Variants in NSUN4 observed in about 807,000 individuals in gnomAD.
The protein encoded by NSUN4 is NOP2/Sun RNA methyltransferase 4.
In NSUN4, 31 loss-of-function variants were observed where a neutral mutation model predicts 43.8. That is an observed-to-expected ratio of 0.71 (90% confidence interval 0.53 to 0.96). The LOEUF (loss-of-function observed/expected upper bound fraction) is 0.96, where lower values mean the gene tolerates loss of function less well. Among genes scored for constraint, NSUN4 ranks in the 40% least tolerant of loss-of-function variants. The pLI, the probability that NSUN4 is intolerant of heterozygous loss-of-function variation, is 0.00. For synonymous variants in NSUN4, 167 were observed against 184.1 expected (o/e 0.91, Z 0.75); for missense variants, 439 against 475.6 (o/e 0.92, Z 0.72).
At chr1:46,359,039 C>T (rs887757710) in intron 4 of NSUN4, among the ~76,000 whole-genome samples, 1 of 152,044 alleles carries the variant, frequency 6.6e-6, no homozygotes, top group Admixed American at 6.5e-5. Flanking sequence ...GGGTAAATCA[C>T]CTGAGGTCAA....
chr1:46,348,814 T>TTTTG (rs1662737868), intron 3 of NSUN4, among the ~76,000 whole-genome samples: 1 of 122,846 alleles, frequency 8.1e-6, no homozygotes, highest in Admixed American at 7.9e-5. Context: ...CACTGTTTTT[T>TTTTG]TTTTTTTTTT....
chr1:46,378,761 G>A, the NSUN4 span, among the ~76,000 whole-genome samples: 1 of 152,244 alleles, frequency 6.6e-6, no homozygotes, highest in Non-Finnish European at 1.5e-5. Context: ...ACTCACTCAT[G>A]TATCTGCAGT....
the NSUN4 span, among the ~76,000 whole-genome samples, chr1:46,376,136 G>A: frequency 1.3e-3 from 201 of 149,564 alleles, 3 homozygotes; most frequent in African/African-American, 4.6e-3. Context: ...GGCCAGGTGC[G>A]GTGGCTCATG....
At chr1:46,370,180 C>A in the NSUN4 span, among the ~76,000 whole-genome samples, 1 of 152,168 alleles carries the variant, frequency 6.6e-6, no homozygotes, top group Non-Finnish European at 1.5e-5. Context: ...AGGAGAAAGA[C>A]AGACTTAGGG....
At chr1:46,369,732 G>A (rs554215707), downstream of NSUN4, among the ~76,000 whole-genome samples, 8 of 152,254 alleles carry the variant, frequency 5.3e-5, no homozygotes, top group East Asian at 5.8e-4. Flanking sequence ...ATCCTGCAGT[G>A]TAAGGAGAAA....
At chr1:46,367,922 G>A (rs1250656169), downstream of NSUN4, among the ~76,000 whole-genome samples, 4 of 151,676 alleles carry the variant, frequency 2.6e-5, no homozygotes, top group African/African-American at 7.3e-5. Flanking sequence ...ATGCCACCGC[G>A]CCTGGCTAAT....
rs202107816 is a variant in NSUN4 at position 46,361,725 on chromosome 1, G to A, written c.1034G>A (p.Arg345Gln). ...QVQVEDLTHF[R>Q]RVFMDTFCFF... ...CAGGTGGAAGATCTGACTCACTTCC[G>A]AAGGGTTTTCATGGACACATTTTGT... is the stretch of plus-strand genomic sequence containing the variant. Residue 345 changes from arginine to glutamine, a missense_variant, in exon 6 of 6, where the codon CGA becomes CAA. Physicochemically the swap from Arg to Gln is conservative, Grantham distance 43. Transcript: ENST00000474844. The A allele has an allele frequency of 1.5e-5, 25 of 1,614,076 alleles. No homozygotes were observed. In the East Asian group the frequency reaches 1.8e-4, roughly 12 times the overall value.
At chr1:46,383,296 C>T in the NSUN4 span, among the ~76,000 whole-genome samples, 27 of 150,976 alleles carry the variant, frequency 1.8e-4, no homozygotes, top group East Asian at 5.8e-4. Context: ...CCTGGGCTGG[C>T]GCACCGGAAG....
At chr1:46,348,709 CAAA>C (rs34999763) in intron 3 of NSUN4, among the ~76,000 whole-genome samples, 12 of 52,134 alleles carry the variant, frequency 2.3e-4, no homozygotes, top group African/African-American at 4.8e-4. Flanking sequence ...AACTCTGTCT[CAAA>C]AAAAAAAAAA....
intron 3 of NSUN4, among the ~76,000 whole-genome samples, chr1:46,348,709 C>CA (rs34999763): frequency 0.18 from 9,197 of 52,042 alleles, 1,796 homozygotes; most frequent in East Asian, 0.44. Flanking sequence ...AACTCTGTCT[C>CA]AAAAAAAAAA....
chr1:46,383,448 GTTTTTTTTT>G, the NSUN4 span, among the ~76,000 whole-genome samples: 4 of 102,408 alleles, frequency 3.9e-5, no homozygotes, highest in South Asian at 6.6e-4. Context: ...GTTGGCTGGT[GTTTTTTTTT>G]TTTTTTTTTT....
downstream of NSUN4, among the ~76,000 whole-genome samples, chr1:46,366,113 G>T (rs111725921): frequency 0.22 from 34,116 of 152,070 alleles, 4,295 homozygotes; most frequent in Non-Finnish European, 0.29. Flanking sequence ...GGGCAACAGA[G>T]GGAGACTCTG....
chr1:46,353,240 G>T (rs1279545851), intron 4 of NSUN4, among the ~76,000 whole-genome samples: 1 of 152,154 alleles, frequency 6.6e-6, no homozygotes, highest in East Asian at 1.9e-4. Flanking sequence ...CAGCAAAAAA[G>T]AATTTGAAAC....
intron 1 of NSUN4, 77 bp downstream of exon 1, chr1:46,340,996 A>C (rs1421561897): frequency 6.4e-5 from 87 of 1,365,298 alleles, no homozygotes; most frequent in Non-Finnish European, 8.7e-5. Context: ...CCGGCCCTCT[A>C]GAACGCCTAG....
Position 46,340,924 on chromosome 1 carries a change from G to C in NSUN4, c.93+5G>C. 1 of 1,609,724 alleles carries C rather than the reference G, an allele frequency of 6.2e-7. No homozygotes were observed. The highest frequency in any genetic ancestry group is 1.3e-5 in the African/African-American group (1 of 74,882). ...CATCGATATAAGAAGAAATGGGTAAGGTCCGGCTGGGGGCGCAGGAGGGAA... is the reference window on the plus strand; with the variant it reads ...CATCGATATAAGAAGAAATGGGTAACGTCCGGCTGGGGGCGCAGGAGGGAA... On this transcript the variant is annotated splice_donor_5th_base_variant and intron_variant, in intron 1 of 5. Transcript: ENST00000474844.
chr1:46,341,458 A>C (rs1188280776), intron 1 of NSUN4: 1 of 1,014,878 alleles, frequency 9.9e-7, no homozygotes. Flanking sequence ...GGTTACAGCG[A>C]CCACCCTGTC....
At chr1:46,360,677 T>C in intron 4 of NSUN4, 27 bp from the exon 5 acceptor site, 1 of 1,611,412 alleles carries the variant, frequency 6.2e-7, no homozygotes, top group Non-Finnish European at 8.5e-7. Flanking sequence ...GGATCTTTAA[T>C]ACTTTACCCT....
At chr1:46,342,605 CT>C (rs1662193689) in intron 1 of NSUN4, 2 of 399,538 alleles carry the variant, frequency 5.0e-6, no homozygotes, top group Non-Finnish European at 8.8e-6. Flanking sequence ...CTGGTCCCCC[CT>C]GTTCCCAGGA....
chr1:46,352,921 A>T lies in NSUN4; in HGVS notation c.646A>T (p.Ile216Phe), dbSNP rs1483665525. ...SPSRIARLQK[I>F]LHSYVPEEIR... The stretch of plus-strand genomic sequence containing the variant: ...GTCCCGAATAGCCAGACTACAGAAG[A>T]TCCTTCACAGCTATGTGCCTGAAGA... The change falls in exon 4 of 6, where the codon ATC becomes TTC. Residue 216 changes from isoleucine to phenylalanine, a missense_variant. By Grantham distance (21) the Ile-to-Phe change is conservative. Coordinates refer to ENST00000474844, the MANE Select transcript of NSUN4 (RefSeq NM_199044.4). 1 of 1,614,160 alleles carries T rather than the reference A, an allele frequency of 6.2e-7. No homozygotes were observed. Among genetic ancestry groups the T allele is most frequent in the South Asian group, 1.1e-5 (1 of 91,080 alleles).
Sources: allele counts gnomAD v4.1 joint callset (sites outside exome capture counted in the v4.1 genomes callset), GRCh38; gene constraint gnomAD v4.1.1; transcripts MANE v1.5; gene names NCBI Gene and HGNC (gene_info 2026-07-23, HGNC 2026-07-21).